The following FN1 variants were observed in gnomAD, a reference collection of about 807,000 sequenced individuals.
FN1 encodes fibronectin.
Under a neutral mutation model 297.3 loss-of-function variants are expected in FN1, and 106 were observed. The observed-to-expected ratio is 0.36, with a 90% CI of 0.30 to 0.42. FN1 has a LOEUF of 0.42. Ranked by LOEUF, FN1 falls within the 10% of genes least tolerant of loss-of-function variation. The probability of loss-of-function intolerance (pLI) is 1.00; values close to 1 mark genes in which losing one functional copy is unlikely to be tolerated. For synonymous variants in FN1, 1,149 were observed against 1,152.6 expected (o/e 1.00, Z 0.06); for missense variants, 2,690 against 3,124.9 (o/e 0.86, Z 3.32).
At chr2:215,367,632 A>G in intron 42 of FN1, 2 of 558,964 alleles carry the variant, frequency 3.6e-6, no homozygotes, top group Non-Finnish European at 6.4e-6. Flanking sequence ...CTTATGTGTA[A>G]TTAATAGTTG....
At chr2:215,371,470 CTT>C (rs771219024) in intron 40 of FN1, among the ~76,000 whole-genome samples, 53 of 150,660 alleles carry the variant, frequency 3.5e-4, no homozygotes, top group Non-Finnish European at 7.1e-4. Context: ...GGTAGAATAT[CTT>C]TCTTTTCTAG....
Position 215,379,247 on chromosome 2 carries a change from T to C in FN1, c.5505A>G (p.Pro1835=). 6.2e-7 allele frequency: 1 copy of C among 1,613,936 alleles called. No homozygotes were observed. Among genetic ancestry groups the C allele is most frequent in the Non-Finnish European group, 8.5e-7 (1 of 1,179,990 alleles). Residue 1835 remains proline (P), a synonymous_variant, in exon 34 of 46, where the codon CCA becomes CCG. Coordinates refer to ENST00000354785, the MANE Select transcript of FN1 (RefSeq NM_212482.4). ...GATATCCAGTGAGCTGAACATTGGG[T>C]GGTGTCCACTGGGCGCTCAGGCTTG... ...TPTSLSAQWT[P]PNVQLTGYRV...
chr2:215,362,410 G>T, intron 44 of FN1: 1 of 319,050 alleles, frequency 3.1e-6, no homozygotes, highest in Non-Finnish European at 6.0e-6. Flanking sequence ...TGATAGAAAA[G>T]GTTTTCAAAG....
rs755992384 is a variant in FN1, at chr2:215,433,464, G to A, written c.278-3C>T. The A allele has an allele frequency of 6.2e-7, 1 of 1,613,668 alleles. No individual in the cohort carries two copies. Among genetic ancestry groups the A allele is most frequent in the Non-Finnish European group, 8.5e-7 (1 of 1,179,738 alleles). ...CTTGTCAAAGCAAGTCTCTTCAGCT[G>A]AGGGGAAAAGGAAAGTCCATGTGAG... is the stretch of plus-strand genomic sequence containing the variant. On this transcript the variant is annotated splice_region_variant and splice_polypyrimidine_tract_variant and intron_variant, in intron 2 of 45. Coordinates refer to ENST00000354785, the MANE Select transcript of FN1 (RefSeq NM_212482.4).
Position 215,376,586 on chromosome 2 carries a change from A to G in FN1, c.5799T>C (p.Thr1933=). Residue 1933 remains threonine, a synonymous_variant, in exon 36 of 46, where the codon ACT becomes ACC. Coordinates refer to ENST00000354785, the MANE Select transcript of FN1 (RefSeq NM_212482.4). Reference sequence around the variant, plus strand: ...CTGGAACGGCATCAACTTGGAAGCCAGTGATCGTCTCAGTCTTGGTTCTCC... The same window carrying G: ...CTGGAACGGCATCAACTTGGAAGCCGGTGATCGTCTCAGTCTTGGTTCTCC... ...ISWRTKTETI[T]GFQVDAVPAN... The G allele has an allele frequency of 6.2e-7, 1 of 1,613,970 alleles. No individual in the cohort carries two copies. The highest frequency in any genetic ancestry group is 8.5e-7 in the Non-Finnish European group (1 of 1,179,988).
chr2:215,402,628 CT>C (rs2061298775), intron 20 of FN1, among the ~76,000 whole-genome samples: 2 of 152,172 alleles, frequency 1.3e-5, no homozygotes, highest in Non-Finnish European at 2.9e-5. Flanking sequence ...GTAGAATACC[CT>C]GCTTACATTA....
At chr2:215,371,607 A>AT (rs2056132780) in intron 40 of FN1, among the ~76,000 whole-genome samples, 1 of 148,176 alleles carries the variant, frequency 6.7e-6, no homozygotes, top group African/African-American at 2.5e-5. Context: ...CCATATTGGG[A>AT]TTTAAAAAAA....
intron 2 of FN1, 54 bp downstream of exon 2, chr2:215,434,641 CA>C: frequency 6.2e-7 from 1 of 1,603,856 alleles, no homozygotes. Flanking sequence ...CAAAGTTTAA[CA>C]ATTACCACTT....
intron 7 of FN1, among the ~76,000 whole-genome samples, chr2:215,424,705 C>A (rs2065032186): frequency 6.6e-6 from 1 of 152,150 alleles, no homozygotes; most frequent in Non-Finnish European, 1.5e-5. Context: ...AATTGTGTAG[C>A]AATTGTTATT....
chr2:215,365,478 C>T (rs1403977665), intron 43 of FN1, 27 bp downstream of exon 43: 1 of 1,611,254 alleles, frequency 6.2e-7, no homozygotes, highest in East Asian at 2.2e-5. Flanking sequence ...CTTAATAAGG[C>T]ACTAAAAATG....
chr2:215,386,593 T>A, intron 28 of FN1, 96 bp downstream of exon 28: 1 of 420,804 alleles, frequency 2.4e-6, no homozygotes, highest in Non-Finnish European at 3.9e-6. Flanking sequence ...TTTTTTTTTT[T>A]TGAGAGCTGA....
At position 215,409,979 on chromosome 2, in the gene FN1, T is replaced by C; in HGVS notation, c.2077A>G (p.Thr693Ala). 1.2e-6 allele frequency: 2 copies of C among 1,613,716 alleles called. No individual in the cohort carries two copies. Among genetic ancestry groups the C allele is most frequent in the East Asian group, 4.5e-5 (2 of 44,868 alleles). Reference protein sequence around the residue: ...SIQQYGHQEVTRFDFTTTSTS... With the variant: ...SIQQYGHQEVARFDFTTTSTS... Reference sequence around the variant, plus strand: ...CTGGTGGTGGTGAAGTCAAAGCGAGTCACTTCTTGGTGGCCGTACTGCTGG... The same window carrying C: ...CTGGTGGTGGTGAAGTCAAAGCGAGCCACTTCTTGGTGGCCGTACTGCTGG... Residue 693 changes from threonine to alanine, a missense_variant, in exon 14 of 46, where the codon ACT becomes GCT. Thr to Ala is a moderately conservative substitution (Grantham distance 58, BLOSUM62 0). Transcript: ENST00000354785.
intron 1 of FN1, among the ~76,000 whole-genome samples, chr2:215,435,064 G>A (rs2067222621): frequency 6.6e-6 from 1 of 152,106 alleles, no homozygotes; most frequent in Non-Finnish European, 1.5e-5. Context: ...TATTCTTTTG[G>A]AGTAATAGTC....
intron 40 of FN1, among the ~76,000 whole-genome samples, chr2:215,371,271 GA>G (rs34085634): frequency 2.0e-4 from 29 of 146,814 alleles, no homozygotes; most frequent in South Asian, 6.5e-4. Flanking sequence ...CCATCTCGGG[GA>G]AAAAAAAAAA....
chr2:215,407,272 G>T lies in FN1; in HGVS notation c.2568C>A (p.Leu856=). The T allele has an allele frequency of 6.2e-7, 1 of 1,614,210 alleles. No individual in the cohort carries two copies. The highest frequency in any genetic ancestry group is 8.5e-7 in the Non-Finnish European group (1 of 1,180,036). Residue 856 remains leucine, a synonymous_variant, in exon 18 of 46, where the codon CTC becomes CTA. Transcript: ENST00000354785. ...SPSVEGSSTE[L]NLPETANSVT... ...CGGAGTTTGCAGTTTCAGGAAGGTT[G>T]AGTTCTGTGCTGCTACCTTCTACTG...
In FN1 at chr2:215,410,132, C is replaced by T; in HGVS notation, c.1942-18G>A. On this transcript the variant is annotated intron_variant, in intron 13 of 45. Coordinates refer to ENST00000354785, the MANE Select transcript of FN1 (RefSeq NM_212482.4). ...GAATTTTTCTGAAAATTTAAATTAA[C>T]ACACACACACACACACACACGTGTT... is the stretch of plus-strand genomic sequence containing the variant. The T allele has an allele frequency of 4.1e-5, 26 of 631,980 alleles. No individual in the cohort carries two copies. Among genetic ancestry groups the T allele is most frequent in the Non-Finnish European group, 5.4e-5 (26 of 484,912 alleles). 39.1% of individuals were successfully genotyped at this position (631,980 alleles called of 1,614,324 possible).
chr2:215,416,746 C>G (rs1407667279), intron 12 of FN1, among the ~76,000 whole-genome samples: 1 of 152,152 alleles, frequency 6.6e-6, no homozygotes, highest in Non-Finnish European at 1.5e-5. Flanking sequence ...CTGTTCACCT[C>G]TAAGCCTAAT....
chr2:215,429,685 T>A (rs1268296117), intron 5 of FN1, among the ~76,000 whole-genome samples: 1 of 152,238 alleles, frequency 6.6e-6, no homozygotes, highest in East Asian at 1.9e-4. Context: ...ATGATAAATA[T>A]GTATAAGACT....
chr2:215,389,349 C>T (rs993851525), intron 26 of FN1, among the ~76,000 whole-genome samples: 4 of 152,100 alleles, frequency 2.6e-5, no homozygotes, highest in African/African-American at 9.7e-5. Flanking sequence ...GTGATCCACC[C>T]GCCTTGGCCT....
Sources: allele counts gnomAD v4.1 joint callset (sites outside exome capture counted in the v4.1 genomes callset), GRCh38; gene constraint gnomAD v4.1.1; transcripts MANE v1.5; gene names NCBI Gene and HGNC (gene_info 2026-07-23, HGNC 2026-07-21).